The following GCC2 variants were observed in gnomAD, a reference collection of about 807,000 sequenced individuals.
The protein encoded by GCC2 is GRIP and coiled-coil domain-containing protein 2.
GCC2 carries 120 observed loss-of-function variants against 210.6 expected under a neutral mutation model. That is an observed-to-expected ratio of 0.57 (90% confidence interval 0.49 to 0.66). GCC2 has a LOEUF of 0.66. GCC2 is among the 30% of genes least tolerant of loss of function. The probability of loss-of-function intolerance (pLI) is 0.00; values close to 1 mark genes in which losing one functional copy is unlikely to be tolerated. For missense variants in GCC2, 1,868 were observed against 1,871.9 expected (o/e 1.00, Z 0.04); for synonymous variants, 703 against 652.7 (o/e 1.08, Z -1.17).
At chr2:108,507,091 G>A (rs1208712845) in intron 22 of GCC2, among the ~76,000 whole-genome samples, 1 of 152,148 alleles carries the variant, frequency 6.6e-6, no homozygotes, top group Non-Finnish European at 1.5e-5. Flanking sequence ...TTAGTAAGTA[G>A]TGTGTCTAAA....
chr2:108,487,806 C>T lies in GCC2; in HGVS notation c.4038C>T (p.Gly1346=), dbSNP rs759353170. 2.5e-5 allele frequency: 40 copies of T among 1,612,220 alleles called. No homozygotes were observed. Among genetic ancestry groups the T allele is most frequent in the Non-Finnish European group, 3.1e-5 (37 of 1,179,242 alleles). ...NKSMSQAETE[G]AKQEREHLEM... The stretch of plus-strand genomic sequence containing the variant: ...CTATGTCTCAGGCTGAAACTGAGGG[C>T]GCTAAACAAGAAAGGTAAAGTCTGA... The change falls in exon 17 of 23, where the codon GGC becomes GGT. Residue 1346 remains glycine, a synonymous_variant. Coordinates refer to ENST00000309863, the MANE Select transcript of GCC2 (RefSeq NM_181453.4).
chr2:108,483,918 A>G (rs1392974893), intron 12 of GCC2, among the ~76,000 whole-genome samples: 4 of 152,234 alleles, frequency 2.6e-5, no homozygotes, highest in African/African-American at 7.2e-5. Flanking sequence ...ATAATGAAAT[A>G]AAATGAAACT....
In GCC2 at chr2:108,481,773, G is replaced by T. The variant is rs139373750; in HGVS notation, c.3137G>T (p.Arg1046Leu). The change falls in exon 10 of 23, where the codon CGT becomes CTT. Residue 1046 changes from arginine (R) to leucine (L), a missense_variant. Arg to Leu is a moderately radical substitution (Grantham distance 102). Around this residue, in one of 3 missense-constraint regions of GCC2, gnomAD observed 1,847 missense variants for 1,765.2 expected, o/e 1.05. Transcript: ENST00000309863. ...EKERANNFEH[R>L]IEDLTRQLRN... is the part of the protein sequence containing the mutation. ...GAACGTGCTAATAATTTTGAGCATC[G>T]TATTGAAGACCTTACAAGACAATTA... 1 of 1,602,960 alleles carries T rather than the reference G, an allele frequency of 6.2e-7. No homozygotes were observed. Among genetic ancestry groups the T allele is most frequent in the East Asian group, 2.2e-5 (1 of 44,676 alleles).
intron 11 of GCC2, 38 bp from the exon 12 acceptor site, chr2:108,483,024 G>T: frequency 1.9e-6 from 2 of 1,048,596 alleles, no homozygotes; most frequent in Non-Finnish European, 3.0e-6. Context: ...TTTTAATATT[G>T]GTTGGGTGGT....
At chr2:108,457,909 G>A (rs903764983) in intron 4 of GCC2, among the ~76,000 whole-genome samples, 26 of 152,074 alleles carry the variant, frequency 1.7e-4, no homozygotes, top group Admixed American at 6.6e-4. Context: ...TTTGGATGTC[G>A]TTTATTTCTT....
At chr2:108,464,605 C>T (rs2104434345) in intron 4 of GCC2, among the ~76,000 whole-genome samples, 1 of 152,286 alleles carries the variant, frequency 6.6e-6, no homozygotes, top group Admixed American at 6.5e-5. Flanking sequence ...CCTTTCTGAG[C>T]ATTGGGGAAT....
chr2:108,455,878 A>T (rs1348658099), intron 4 of GCC2, among the ~76,000 whole-genome samples: 1 of 152,222 alleles, frequency 6.6e-6, no homozygotes, highest in South Asian at 2.1e-4. Flanking sequence ...CAATAAACAC[A>T]GGAGTGTATA....
rs763502591 is a variant in GCC2 at position 108,471,295 on chromosome 2, TTAAAA to T, written c.1967_1971del (p.Leu656Ter). ...ATTAACAGGAGGACTAGAGGAGACT[TTAAAA>T]GAAAAGGATCAAAATGACCAAAAAC... On this transcript the variant is annotated frameshift_variant, in exon 6 of 23. Transcript: ENST00000309863. LOFTEE classifies it high-confidence loss of function. The T allele has an allele frequency of 6.2e-7, 1 of 1,611,844 alleles. No individual in the cohort carries two copies. The highest frequency in any genetic ancestry group is 1.1e-5 in the South Asian group (1 of 90,696).
intron 16 of GCC2, 79 bp downstream of exon 16, chr2:108,486,727 T>G: frequency 7.5e-7 from 1 of 1,339,832 alleles, no homozygotes. Flanking sequence ...AGGGCTGTGC[T>G]CTGCCTTTTT....
chr2:108,475,450 C>A, intron 7 of GCC2, 85 bp from the exon 8 acceptor site: 2 of 576,740 alleles, frequency 3.5e-6, no homozygotes, highest in Non-Finnish European at 5.9e-6. Context: ...TTTGTGCTCC[C>A]AAATAATCTA....
In GCC2 at chr2:108,486,502, T is replaced by A. The variant is rs202106307; in HGVS notation, c.3793-9T>A. ...TTTGCTAAAGCTAAATTTAAAGATT[T>A]ACCCCCAGATACAGCTGGCTGAAAT... On this transcript the variant is annotated splice_polypyrimidine_tract_variant and intron_variant, in intron 15 of 22. Coordinates refer to ENST00000309863, the MANE Select transcript of GCC2 (RefSeq NM_181453.4). 5 of 1,613,830 alleles carry A rather than the reference T, an allele frequency of 3.1e-6. No individual in the cohort carries two copies. Among genetic ancestry groups the A allele is most frequent in the Non-Finnish European group, 4.2e-6 (5 of 1,179,862 alleles).
At chr2:108,487,472 G>GCA (rs1272189524) in intron 16 of GCC2, among the ~76,000 whole-genome samples, 1 of 152,038 alleles carries the variant, frequency 6.6e-6, no homozygotes, top group East Asian at 1.9e-4. Flanking sequence ...AATATCACAT[G>GCA]CACCCCATAA....
chr2:108,476,054 CTT>C lies in GCC2; in HGVS notation c.3060+229_3060+230del, dbSNP rs56236751. On this transcript the variant is annotated intron_variant, in intron 9 of 22. Coordinates refer to ENST00000309863, the MANE Select transcript of GCC2 (RefSeq NM_181453.4). ...TGGTTAAGCTTTAAATAGTGGCTTG[CTT>C]TTTTTTTTTTTTTTTTTTTTTTTTG... Among the ~76,000 whole-genome samples the C allele has an allele frequency of 3.2e-4, 31 of 96,316 alleles. 3 individuals are homozygous for C. Among genetic ancestry groups the C allele is most frequent in the South Asian group, 1.3e-3 (4 of 3,010 alleles). 63.2% of individuals were successfully genotyped at this position (96,316 alleles called of 152,430 possible).
At position 108,470,111 on chromosome 2, in the gene GCC2, C is replaced by G; in HGVS notation, c.782C>G (p.Ala261Gly). ...AAAGAGTTGATGTGCCAGATTGAAG[C>G]ATCAGCTAAGGAACATGAAGCAGAG... Reference protein sequence around the residue: ...EVKELMCQIEASAKEHEAEIN... With the variant: ...EVKELMCQIEGSAKEHEAEIN... The change falls in exon 6 of 23, where the codon GCA becomes GGA. Residue 261 changes from alanine (A) to glycine (G), a missense_variant. Around this residue, in one of 3 missense-constraint regions of GCC2, gnomAD observed 1,847 missense variants for 1,765.2 expected, o/e 1.05. Transcript: ENST00000309863. 1 of 1,613,550 alleles carries G rather than the reference C, an allele frequency of 6.2e-7. No homozygotes were observed. Among genetic ancestry groups the G allele is most frequent in the South Asian group, 1.1e-5 (1 of 91,052 alleles).
intron 9 of GCC2, among the ~76,000 whole-genome samples, chr2:108,480,009 A>AAAAAAAAAC (rs1681764639): frequency 6.9e-6 from 1 of 145,700 alleles, no homozygotes. Flanking sequence ...AAAAAAAAAA[A>AAAAAAAAAC]CGAAAAACCC....
rs545492197 is a variant in GCC2 at position 108,487,624 on chromosome 2, A to G, written c.3931-75A>G. The stretch of plus-strand genomic sequence containing the variant: ...TTTTCAAAAACAGGTTTTTATCTCA[A>G]TTTGTTAATCTCTGAAAGAAAATAG... On this transcript the variant is annotated intron_variant, in intron 16 of 22. Transcript: ENST00000309863. 5.1e-6 allele frequency: 7 copies of G among 1,375,424 alleles called. No homozygotes were observed. The African/African-American group carries it at 7.4e-5, about 14-fold the overall frequency. The allele number at this position is 1,375,424 out of a possible 1,614,324, so 85.2% of individuals were successfully genotyped here. A position where few individuals can be genotyped will look rare whatever the true frequency, so the allele number is the denominator to read the frequency against.
rs1681113603 is a variant in GCC2, at chr2:108,470,135, A to G, written c.806A>G (p.Glu269Gly). ...IEASAKEHEA[E>G]INKLNELKEN... is the part of the protein sequence containing the mutation. ...GCATCAGCTAAGGAACATGAAGCAG[A>G]GATAAATAAGTTGAACGAGCTAAAA... The change falls in exon 6 of 23, where the codon GAG becomes GGG. Residue 269 changes from glutamate to glycine, a missense_variant. This residue lies in a region of GCC2 where 1,847 missense variants were observed against 1,765.2 expected (regional missense o/e 1.05). Coordinates refer to ENST00000309863, the MANE Select transcript of GCC2 (RefSeq NM_181453.4). 1.9e-6 allele frequency: 3 copies of G among 1,613,838 alleles called. No homozygotes were observed. Among genetic ancestry groups the G allele is most frequent in the Admixed American group, 3.3e-5 (2 of 60,026 alleles).
At chr2:108,457,567 T>C (rs1159274192) in intron 4 of GCC2, among the ~76,000 whole-genome samples, 2 of 152,190 alleles carry the variant, frequency 1.3e-5, no homozygotes, top group African/African-American at 4.8e-5. Context: ...AACTGTACAT[T>C]AGTTTGGATA....
In GCC2 at chr2:108,469,644, G is replaced by T; in HGVS notation, c.322-7G>T. 4 of 1,558,808 alleles carry T rather than the reference G, an allele frequency of 2.6e-6. No individual in the cohort carries two copies. The highest frequency in any genetic ancestry group is 3.5e-6 in the Non-Finnish European group (4 of 1,156,572). On this transcript the variant is annotated splice_region_variant and splice_polypyrimidine_tract_variant and intron_variant, in intron 5 of 22. Coordinates refer to ENST00000309863, the MANE Select transcript of GCC2 (RefSeq NM_181453.4). ...AATAATTTATGTGTGCTTATTTTTTGTAATAGGATTCTGTAACAAAGATGG... is the reference window on the plus strand; with the variant it reads ...AATAATTTATGTGTGCTTATTTTTTTTAATAGGATTCTGTAACAAAGATGG...
Sources: gnomAD v4.1 joint callset for allele counts (sites outside exome capture counted in the v4.1 genomes callset) on GRCh38, gnomAD v4.1.1 for gene constraint, gnomAD v4.1.1 regional missense constraint, MANE v1.5 for transcripts, NCBI Gene and HGNC (gene_info 2026-07-23, HGNC 2026-07-21) for gene names.